The following EMC3 variants were observed in gnomAD, a reference collection of about 807,000 sequenced individuals.
EMC3 encodes ER membrane protein complex subunit 3, also known as 30 kDa protein.
EMC3 carries 13 observed loss-of-function variants against 36.6 expected under a neutral mutation model. That is an observed-to-expected ratio of 0.35 (90% confidence interval 0.23 to 0.56). The LOEUF is 0.56. EMC3 is among the 20% of genes least tolerant of loss of function. EMC3 has a pLI of 0.84. For synonymous variants in EMC3, 120 were observed against 111.9 expected (o/e 1.07, Z -0.46); for missense variants, 220 against 324.5 (o/e 0.68, Z 2.47).
rs189257347 is a variant in EMC3 at position 9,994,171 on chromosome 3, A to C, written c.-241-7269T>G. 93 of 1,585,100 alleles carry C rather than the reference A, an allele frequency of 5.9e-5. No individual in the cohort carries two copies. In the African/African-American group the frequency reaches 9.8e-4, roughly 17 times the overall value. ...TTCCTACAGCTTCTTTTCTCTCTCT[A>C]CTCTTCCCCACTCAAGGTTCTTAAG... is the stretch of plus-strand genomic sequence containing the variant. On this transcript the variant is annotated intron_variant, in intron 1 of 8. Coordinates refer to the EMC3 transcript ENST00000470827.
rs2085979100 is a variant in EMC3 at position 9,986,792 on chromosome 3, A to C, written c.-131T>G. Reference sequence around the variant, plus strand: ...CCGTGTACCCCAGAACTCTCCTGCGACTGTGAGCCGAGCTTACTGCCTTCA... The same window carrying C: ...CCGTGTACCCCAGAACTCTCCTGCGCCTGTGAGCCGAGCTTACTGCCTTCA... On this transcript the variant is annotated 5_prime_UTR_variant, in exon 1 of 8. Transcript: ENST00000245046. 1 of 1,472,022 alleles carries C rather than the reference A, an allele frequency of 6.8e-7. No homozygotes were observed. The allele number at this position is 1,472,022 out of a possible 1,614,324, so 91.2% of individuals were successfully genotyped here.
chr3:9,966,285 C>T (rs1307729161), intron 7 of EMC3, among the ~76,000 whole-genome samples: 2 of 150,848 alleles, frequency 1.3e-5, no homozygotes, highest in Non-Finnish European at 2.9e-5. Flanking sequence ...TGCAGTGGCG[C>T]AATCTCCGCT....
At chr3:9,976,747 A>G (rs2085854111) in intron 3 of EMC3, among the ~76,000 whole-genome samples, 1 of 152,054 alleles carries the variant, frequency 6.6e-6, no homozygotes, top group East Asian at 1.9e-4. Context: ...TTTTTAATCC[A>G]CTTTATACAT....
intron 1 of EMC3, among the ~76,000 whole-genome samples, chr3:9,979,086 TTCTC>T (rs1193292229): frequency 6.6e-6 from 1 of 152,214 alleles, no homozygotes; most frequent in Admixed American, 6.5e-5. Context: ...CCTCGTGGAA[TTCTC>T]TCTGCTTCCT....
upstream of EMC3, chr3:9,988,702 G>A: frequency 2.7e-6 from 4 of 1,489,376 alleles, no homozygotes; most frequent in Middle Eastern, 7.0e-4. Context: ...TGACTCTCCT[G>A]TTTTTTCAGG....
intron 1 of EMC3, among the ~76,000 whole-genome samples, chr3:9,996,419 T>A (rs62245492): frequency 0.04 from 6,121 of 152,166 alleles, 146 homozygotes; most frequent in Non-Finnish European, 0.059. Flanking sequence ...CTCTCCAGCC[T>A]GGGCAACAGA....
Position 10,009,609 on chromosome 3 carries a change from C to T in EMC3, c.-242+1414G>A, listed in dbSNP as rs530717766. 6.6e-5 allele frequency among the ~76,000 whole-genome samples: 10 copies of T among 152,324 alleles called. No individual in the cohort carries two copies. In the East Asian group the frequency reaches 1.9e-3, roughly 29 times the overall value. Reference sequence around the variant, plus strand: ...GAGAGCTGCTCTTGCCATCCCTTGTCCCAGTTTTCTTGAAGCCGAGTTCCA... The same window carrying T: ...GAGAGCTGCTCTTGCCATCCCTTGTTCCAGTTTTCTTGAAGCCGAGTTCCA... On this transcript the variant is annotated intron_variant, in intron 1 of 8. Coordinates refer to the EMC3 transcript ENST00000470827.
At chr3:10,003,549 C>T (rs554224029) in intron 1 of EMC3, 5 of 282,330 alleles carry the variant, frequency 1.8e-5, no homozygotes, top group Non-Finnish European at 2.8e-5. Flanking sequence ...CTGTAAAATC[C>T]TGGACACCAT....
intron 1 of EMC3, 115 bp from the exon 2 acceptor site, chr3:9,977,561 C>G (rs758384671): frequency 1.1e-5 from 9 of 835,754 alleles, no homozygotes; most frequent in East Asian, 2.6e-5. Context: ...GGCAACAGCT[C>G]TGTGTGGAAA....
At chr3:9,988,537 T>C (rs901218168), upstream of EMC3, 4 of 907,656 alleles carry the variant, frequency 4.4e-6, no homozygotes, top group Non-Finnish European at 7.5e-6. Context: ...GTGACAGATG[T>C]ATAACTGAGG....
At position 9,994,611 on chromosome 3, in the gene EMC3, C is replaced by T. The variant is rs529936830; in HGVS notation, c.-241-7709G>A. Among the ~76,000 whole-genome samples, 12 of 148,520 alleles carry T rather than the reference C, an allele frequency of 8.1e-5. No homozygotes were observed. The East Asian group carries it at 2.4e-3, about 29-fold the overall frequency. On this transcript the variant is annotated intron_variant, in intron 1 of 8. Coordinates refer to the EMC3 transcript ENST00000470827. ...TCAAGACAGAGTTTCGTTCTTGTTG[C>T]CCAGGCTGGAGTACAGTGGCGCAAT...
upstream of EMC3, chr3:9,987,330 G>C (rs2085988820): frequency 1.0e-6 from 1 of 985,556 alleles, no homozygotes; most frequent in Admixed American, 6.1e-5. Flanking sequence ...AATCTCTTAA[G>C]TCCGGGCCGC....
chr3:9,998,681 T>G (rs1426926395), intron 1 of EMC3, among the ~76,000 whole-genome samples: 1 of 152,142 alleles, frequency 6.6e-6, no homozygotes, highest in Non-Finnish European at 1.5e-5. Context: ...CTAATGATGT[T>G]AAGCATCTTT....
At chr3:9,987,880 C>A, upstream of EMC3, 1 of 805,482 alleles carries the variant, frequency 1.2e-6, no homozygotes, top group South Asian at 1.3e-5. Context: ...GAGCAGAACA[C>A]CATAGCTAAT....
At chr3:9,978,499 G>GA (rs887867191) in intron 1 of EMC3, among the ~76,000 whole-genome samples, 1 of 151,788 alleles carries the variant, frequency 6.6e-6, no homozygotes, top group Admixed American at 6.6e-5. Context: ...CTTGAAACGT[G>GA]AAAAAAAATT....
In EMC3 at chr3:9,986,724, C is replaced by T; in HGVS notation, c.-63G>A. 1.3e-6 allele frequency: 2 copies of T among 1,596,392 alleles called. No individual in the cohort carries two copies. The highest frequency in any genetic ancestry group is 1.7e-6 in the Non-Finnish European group (2 of 1,170,678). ...GCTTCTCTTCTCCGGGGCACAGTTG[C>T]TTCTCTTCGGCTTCGCCTCCGGGCC... On this transcript the variant is annotated 5_prime_UTR_variant, in exon 1 of 8. Transcript: ENST00000245046.
intron 1 of EMC3, among the ~76,000 whole-genome samples, chr3:10,002,277 T>A (rs6780029): frequency 0.014 from 2,042 of 147,716 alleles, 27 homozygotes; most frequent in African/African-American, 0.025. Context: ...GCAGTTTCTT[T>A]TTTTATTTTA....
upstream of EMC3, chr3:9,988,355 CT>C: frequency 4.8e-6 from 5 of 1,040,500 alleles, no homozygotes; most frequent in Non-Finnish European, 7.6e-6. Context: ...AATTTTTTTC[CT>C]CTCTGCTACT....
At chr3:9,982,920 T>A (rs145124326) in intron 1 of EMC3, among the ~76,000 whole-genome samples, 1 of 151,826 alleles carries the variant, frequency 6.6e-6, no homozygotes, top group African/African-American at 2.4e-5. Context: ...GTTTTACAAC[T>A]AAAACACACC....
Sources: allele counts gnomAD v4.1 joint callset (sites outside exome capture counted in the v4.1 genomes callset), GRCh38; gene constraint gnomAD v4.1.1; transcripts MANE v1.5; gene names NCBI Gene and HGNC (gene_info 2026-07-23, HGNC 2026-07-21).